Variants in TENM4 observed in about 807,000 individuals in gnomAD.
The protein encoded by TENM4 is teneurin transmembrane protein 4, also known as teneurin-4.
In TENM4, 82 loss-of-function variants were observed where a neutral mutation model predicts 243.3. That is an observed-to-expected ratio of 0.34 (90% confidence interval 0.28 to 0.40). TENM4 has a LOEUF of 0.40. Ranked by LOEUF, TENM4 falls within the 10% of genes least tolerant of loss-of-function variation. The probability of loss-of-function intolerance (pLI) is 1.00; values close to 1 mark genes in which losing one functional copy is unlikely to be tolerated. For synonymous variants in TENM4, 1,412 were observed against 1,456.3 expected (o/e 0.97, Z 0.69); for missense variants, 3,138 against 3,673.3 (o/e 0.85, Z 3.77).
intron 4 of TENM4, among the ~76,000 whole-genome samples, chr11:79,127,469 A>G (rs1354234843): frequency 7.3e-6 from 1 of 137,618 alleles, no homozygotes; most frequent in African/African-American, 2.5e-5. Context: ...AAATTCACAC[A>G]TCTCCTGGTA....
intron 6 of TENM4, among the ~76,000 whole-genome samples, chr11:79,044,557 G>C (rs1375140916): frequency 6.6e-6 from 1 of 152,346 alleles, no homozygotes; most frequent in African/African-American, 2.4e-5. Context: ...GCTGTGCTAT[G>C]CTTCAGTTAG....
At chr11:79,340,495 T>C (rs1338143153) in intron 1 of TENM4, among the ~76,000 whole-genome samples, 1 of 152,116 alleles carries the variant, frequency 6.6e-6, no homozygotes, top group Non-Finnish European at 1.5e-5. Flanking sequence ...TAGGGTGGAA[T>C]GTCAAGATTT....
chr11:79,162,744 C>T (rs963867335), intron 3 of TENM4, among the ~76,000 whole-genome samples: 9 of 152,154 alleles, frequency 5.9e-5, no homozygotes, highest in Non-Finnish European at 1.0e-4. Context: ...GGGCTCACCC[C>T]TCCCTGGCAC....
At chr11:79,169,682 C>A (rs1245133737) in intron 3 of TENM4, among the ~76,000 whole-genome samples, 1 of 152,192 alleles carries the variant, frequency 6.6e-6, no homozygotes, top group Non-Finnish European at 1.5e-5. Flanking sequence ...CAAGCCACCA[C>A]CAATTCTGCT....
At chr11:79,237,736 A>C (rs1181798241) in intron 2 of TENM4, among the ~76,000 whole-genome samples, 1 of 152,192 alleles carries the variant, frequency 6.6e-6, no homozygotes, top group Non-Finnish European at 1.5e-5. Context: ...GGTTGAGAGG[A>C]TTTCGTATCA....
At chr11:78,705,497 G>C (rs1218360552) in intron 27 of TENM4, among the ~76,000 whole-genome samples, 1 of 152,178 alleles carries the variant, frequency 6.6e-6, no homozygotes, top group Admixed American at 6.5e-5. Context: ...AGCGATGATC[G>C]TGCTGAGACT....
At chr11:78,915,192 G>A (rs1323823534) in intron 6 of TENM4, among the ~76,000 whole-genome samples, 1 of 152,176 alleles carries the variant, frequency 6.6e-6, no homozygotes, top group Non-Finnish European at 1.5e-5. Context: ...ATTGTTTTCT[G>A]CGTGGGAGGC....
At chr11:79,000,625 T>C (rs12293836) in intron 6 of TENM4, among the ~76,000 whole-genome samples, 59,183 of 152,076 alleles carry the variant, frequency 0.39, 13,659 homozygotes, top group African/African-American at 0.65. Context: ...CCTCAAGATA[T>C]AGTTAAAAAA....
intron 3 of TENM4, among the ~76,000 whole-genome samples, chr11:79,158,492 AC>A (rs1187479699): frequency 6.6e-6 from 1 of 152,108 alleles, no homozygotes; most frequent in African/African-American, 2.4e-5. Context: ...TAATAGCACA[AC>A]CCTTGCATTG....
chr11:78,798,537 C>A (rs661864), intron 15 of TENM4, among the ~76,000 whole-genome samples: 45,410 of 152,096 alleles, frequency 0.3, 10,453 homozygotes, highest in African/African-American at 0.64. Flanking sequence ...TCTGAAAGGG[C>A]AACAGTCAAT....
At chr11:79,094,732 C>G (rs193182743) in intron 4 of TENM4, among the ~76,000 whole-genome samples, 40 of 152,238 alleles carry the variant, frequency 2.6e-4, no homozygotes, top group African/African-American at 9.4e-4. Flanking sequence ...TAGAGGCCTC[C>G]GTAAATCAGG....
At chr11:79,044,020 A>C (rs754091457) in intron 6 of TENM4, among the ~76,000 whole-genome samples, 9 of 152,182 alleles carry the variant, frequency 5.9e-5, no homozygotes, top group Non-Finnish European at 1.0e-4. Flanking sequence ...TCATGCTTCC[A>C]GGGTTACATC....
chr11:79,031,203 T>C (rs955236000), intron 6 of TENM4, among the ~76,000 whole-genome samples: 1 of 152,176 alleles, frequency 6.6e-6, no homozygotes, highest in African/African-American at 2.4e-5. Flanking sequence ...GCACAAATCC[T>C]GGCACATTAG....
rs368243768 is a variant in TENM4 at position 79,405,720 on chromosome 11, C to T, written c.-321+34789G>A. Among the ~76,000 whole-genome samples the T allele has an allele frequency of 4.6e-5, 7 of 151,894 alleles. 1 individual carries two copies. In the South Asian group the frequency reaches 1.0e-3, roughly 23 times the overall value. On this transcript the variant is annotated intron_variant, in intron 1 of 33. Transcript: ENST00000278550. ...TTTGAATAGATATACAATATTTTGTCCAGGGATTTCATAACTAACTCTTAT... is the reference window on the plus strand; with the variant it reads ...TTTGAATAGATATACAATATTTTGTTCAGGGATTTCATAACTAACTCTTAT...
In TENM4 at chr11:79,440,339, C is replaced by A. The variant is rs1480167641; in HGVS notation, c.-321+170G>T. ...GCCTCTTCGGCCACCCGCGCCCTAG[C>A]CTCCCTCCTCCTGGGCCAGGGGAGC... On this transcript the variant is annotated intron_variant, in intron 1 of 33. Coordinates refer to ENST00000278550, the MANE Select transcript of TENM4 (RefSeq NM_001098816.3). This position sits in a 1 kb window ranked among gnomAD's most constrained non-coding sequence, Gnocchi z 4.7. Among the ~76,000 whole-genome samples, 3 of 152,290 alleles carry A rather than the reference C, an allele frequency of 2.0e-5. No individual in the cohort carries two copies. Among genetic ancestry groups the A allele is most frequent in the East Asian group, 3.9e-4 (2 of 5,154 alleles).
chr11:78,779,062 G>A (rs1403815331), intron 16 of TENM4, among the ~76,000 whole-genome samples: 1 of 152,226 alleles, frequency 6.6e-6, no homozygotes, highest in East Asian at 1.9e-4. Context: ...ACAAGAACAA[G>A]TGGTACCCCA....
intron 1 of TENM4, among the ~76,000 whole-genome samples, chr11:79,407,490 T>C (rs1256393525): frequency 6.6e-6 from 1 of 152,244 alleles, no homozygotes; most frequent in Non-Finnish European, 1.5e-5. Context: ...CCTGCTCATC[T>C]GCAATACACA....
intron 1 of TENM4, among the ~76,000 whole-genome samples, chr11:79,421,544 C>A (rs2135590709): frequency 6.6e-6 from 1 of 152,230 alleles, no homozygotes; most frequent in Non-Finnish European, 1.5e-5. Flanking sequence ...AGGGCTATCT[C>A]CCAGAGAGAG....
intron 1 of TENM4, among the ~76,000 whole-genome samples, chr11:79,347,795 C>T (rs1192510920): frequency 2.0e-5 from 2 of 101,574 alleles, no homozygotes; most frequent in Non-Finnish European, 3.6e-5. Context: ...TTTTTTGAGA[C>T]GGAGTCTCGC....
Sources: allele counts gnomAD v4.1 joint callset (sites outside exome capture counted in the v4.1 genomes callset), GRCh38; gene constraint gnomAD v4.1.1; non-coding constraint Gnocchi (gnomAD v3.1); transcripts MANE v1.5; gene names NCBI Gene and HGNC (gene_info 2026-07-23, HGNC 2026-07-21).